Variants in ANO2 observed in about 807,000 individuals in gnomAD.
ANO2 encodes the protein anoctamin-2.
In ANO2, 101 loss-of-function variants were observed where a neutral mutation model predicts 124.2. The observed-to-expected ratio is 0.81, with a 90% confidence interval of 0.69 to 0.96. ANO2 has a LOEUF of 0.96. Among genes scored for constraint, ANO2 ranks in the 40% least tolerant of loss-of-function variants. ANO2 has a pLI of 0.00. For synonymous variants in ANO2, 486 were observed against 482.5 expected (o/e 1.01, Z -0.09); for missense variants, 1,293 against 1,274.5 (o/e 1.01, Z -0.22).
intron 10 of ANO2, among the ~76,000 whole-genome samples, chr12:5,751,576 C>T (rs534878789): frequency 6.6e-6 from 1 of 152,146 alleles, no homozygotes; most frequent in Admixed American, 6.5e-5. Flanking sequence ...AAGAGCTGTA[C>T]GTGTTGAACA....
intron 7 of ANO2, among the ~76,000 whole-genome samples, chr12:5,812,743 A>G (rs576103275): frequency 2.6e-5 from 1 of 37,944 alleles, no homozygotes; most frequent in South Asian, 1.0e-3. Flanking sequence ...GCAAGAGGGA[A>G]GGGAGGAGGG....
intron 7 of ANO2, among the ~76,000 whole-genome samples, chr12:5,823,339 A>C (rs1953863714): frequency 6.6e-6 from 1 of 152,214 alleles, no homozygotes; most frequent in Admixed American, 6.5e-5. Flanking sequence ...TGTAAAATCA[A>C]AAGCATGCTA....
At chr12:5,598,258 C>T (rs936054178) in intron 20 of ANO2, among the ~76,000 whole-genome samples, 7 of 152,200 alleles carry the variant, frequency 4.6e-5, no homozygotes, top group African/African-American at 1.4e-4. Context: ...TGCAATGATA[C>T]TAAGCACTGA....
intron 10 of ANO2, among the ~76,000 whole-genome samples, chr12:5,765,048 G>C (rs929685803): frequency 6.6e-6 from 1 of 152,232 alleles, no homozygotes; most frequent in South Asian, 2.1e-4. Flanking sequence ...ATCAGCCAGA[G>C]AGGCAGTCCA....
intron 20 of ANO2, chr12:5,584,052 T>G (rs1591668259): frequency 7.7e-6 from 2 of 260,980 alleles, no homozygotes; most frequent in East Asian, 2.0e-4. Context: ...AGATAAAGAC[T>G]ATTTCCCGAT....
chr12:5,724,755 C>G (rs1162082687), intron 14 of ANO2, among the ~76,000 whole-genome samples: 2 of 152,124 alleles, frequency 1.3e-5, no homozygotes, highest in African/African-American at 4.8e-5. Context: ...CAGTGCTCAA[C>G]ATAAAACATT....
chr12:5,756,136 G>A (rs1202108376), intron 10 of ANO2, among the ~76,000 whole-genome samples: 5 of 151,730 alleles, frequency 3.3e-5, no homozygotes, highest in Non-Finnish European at 5.9e-5. Context: ...GACCAAGTAT[G>A]CTACTGAAGT....
intron 1 of ANO2, among the ~76,000 whole-genome samples, chr12:5,924,897 C>T (rs1478620874): frequency 8.5e-5 from 13 of 152,102 alleles, no homozygotes; most frequent in African/African-American, 2.2e-4. Flanking sequence ...GCAAAATAAA[C>T]GGAATTGATT....
At chr12:5,747,597 A>G (rs1453853954) in intron 11 of ANO2, among the ~76,000 whole-genome samples, 1 of 152,224 alleles carries the variant, frequency 6.6e-6, no homozygotes, top group Non-Finnish European at 1.5e-5. Flanking sequence ...AGTAATTTTA[A>G]ACGTTTTTGA....
At chr12:5,626,930 A>G (rs1345519979) in intron 16 of ANO2, among the ~76,000 whole-genome samples, 1 of 152,180 alleles carries the variant, frequency 6.6e-6, no homozygotes, top group African/African-American at 2.4e-5. Context: ...TAGAAAATCC[A>G]AAGAGAAAGA....
At chr12:5,801,482 A>G (rs563381176) in intron 9 of ANO2, among the ~76,000 whole-genome samples, 1 of 152,348 alleles carries the variant, frequency 6.6e-6, no homozygotes, top group East Asian at 1.9e-4. Context: ...ACCTACTTTA[A>G]TCAGGTACTT....
chr12:5,749,540 TC>T (rs1281307186), intron 11 of ANO2, among the ~76,000 whole-genome samples: 1 of 152,238 alleles, frequency 6.6e-6, no homozygotes, highest in Non-Finnish European at 1.5e-5. Context: ...ATTCCAGTGC[TC>T]CTTGAATGCT....
intron 7 of ANO2, 36 bp downstream of exon 7, chr12:5,827,733 C>T: frequency 1.9e-6 from 3 of 1,596,518 alleles, no homozygotes; most frequent in Non-Finnish European, 2.6e-6. Flanking sequence ...CGCCTCAGCG[C>T]CCGTCAGCAC....
intron 7 of ANO2, among the ~76,000 whole-genome samples, chr12:5,813,117 A>C (rs1172074969): frequency 6.6e-6 from 1 of 151,854 alleles, no homozygotes; most frequent in East Asian, 1.9e-4. Flanking sequence ...AAGGAAAAGA[A>C]GTTCCAGAGA....
At position 5,612,576 on chromosome 12, in the gene ANO2, T is replaced by C. The variant is rs1205802868; in HGVS notation, c.2087+80A>G. The C allele has an allele frequency of 4.2e-6, 5 of 1,204,310 alleles. No individual in the cohort carries two copies. In the African/African-American group the frequency reaches 7.5e-5, roughly 18 times the overall value. 74.6% of individuals were successfully genotyped at this position (1,204,310 alleles called of 1,614,324 possible). On this transcript the variant is annotated intron_variant, in intron 19 of 24. Coordinates refer to ENST00000682330, the MANE Select transcript of ANO2 (RefSeq NM_001364791.2). ...AGCTGTCTAAGAAGAGGAAAGGCCA[T>C]AGAAAACCTGCTGAAAGGCTGGCAC...
intron 7 of ANO2, among the ~76,000 whole-genome samples, chr12:5,823,550 C>A (rs1207064154): frequency 1.3e-5 from 2 of 152,180 alleles, no homozygotes; most frequent in Admixed American, 6.5e-5. Context: ...TGGTCTTGGG[C>A]AGCTGCACCC....
chr12:5,611,901 C>T (rs889858228), intron 19 of ANO2, among the ~76,000 whole-genome samples: 5 of 152,184 alleles, frequency 3.3e-5, no homozygotes, highest in African/African-American at 1.2e-4. Context: ...GGCCCAGCCT[C>T]TCAGTTACCC....
intron 14 of ANO2, among the ~76,000 whole-genome samples, chr12:5,677,804 G>A (rs1948313740): frequency 6.6e-6 from 1 of 152,186 alleles, no homozygotes; most frequent in Non-Finnish European, 1.5e-5. Flanking sequence ...TTCTTCAATG[G>A]AAAATAGGGC....
intron 7 of ANO2, among the ~76,000 whole-genome samples, chr12:5,824,005 C>A (rs1037405179): frequency 6.6e-6 from 1 of 152,186 alleles, no homozygotes; most frequent in Non-Finnish European, 1.5e-5. Context: ...ACAGCTGGAG[C>A]GGCTGGAACA....
Sources: gnomAD v4.1 joint callset for allele counts (sites outside exome capture counted in the v4.1 genomes callset) on GRCh38, gnomAD v4.1.1 for gene constraint, MANE v1.5 for transcripts, NCBI Gene and HGNC (gene_info 2026-07-23, HGNC 2026-07-21) for gene names.